GRK3: variants seen among roughly 807,000 people sequenced by gnomAD.
GRK3 encodes G protein-coupled receptor kinase 3.
Under a neutral mutation model 95.7 loss-of-function variants are expected in GRK3, and 54 were observed. The observed-to-expected ratio is 0.56, with a 90% CI of 0.45 to 0.71. GRK3 has a LOEUF of 0.71. Ranked by LOEUF, GRK3 falls within the 30% of genes least tolerant of loss-of-function variation. GRK3 has a pLI of 0.00. For missense variants in GRK3, 649 were observed against 851.2 expected, an observed-to-expected ratio of 0.76 and a Z score of 2.96; for synonymous variants, 281 against 290.8, an observed-to-expected ratio of 0.97 and a Z score of 0.34.
chr22:25,587,612 G>A (rs959561585), intron 1 of GRK3, among the ~76,000 whole-genome samples: 2 of 151,936 alleles, frequency 1.3e-5, no homozygotes, highest in Non-Finnish European at 2.9e-5. Context: ...TATAGTTTTG[G>A]TAGAGATGGG....
chr22:25,677,377 TAAAA>T (rs376997700), intron 8 of GRK3, among the ~76,000 whole-genome samples: 2 of 42,554 alleles, frequency 4.7e-5, no homozygotes, highest in African/African-American at 1.0e-4. Context: ...CCCCATATCT[TAAAA>T]AAAAAAAAAA....
At position 25,564,890 on chromosome 22, in the gene GRK3, C is replaced by A. The variant is rs1304187893; in HGVS notation, c.-151C>A. 7.3e-6 allele frequency: 1 copy of A among 136,140 alleles called. No homozygotes were observed. The highest frequency in any genetic ancestry group is 2.4e-4 in the East Asian group (1 of 4,092). 8.4% of individuals were successfully genotyped at this position (136,140 alleles called of 1,614,324 possible). A position where few individuals can be genotyped will look rare whatever the true frequency, so the allele number is the denominator to read the frequency against. ...CGGCGCGCGCAGAGCGCTAGTGGGG[C>A]GCGCGGCGCGCGCGCGGGGCGGGGG... On this transcript the variant is annotated 5_prime_UTR_variant, in exon 1 of 21. Transcript: ENST00000324198.
intron 1 of GRK3, among the ~76,000 whole-genome samples, chr22:25,601,105 T>C (rs1447925830): frequency 6.6e-6 from 1 of 152,176 alleles, no homozygotes; most frequent in Non-Finnish European, 1.5e-5. Flanking sequence ...ATAGAAAAAG[T>C]AGACAGAAAA....
intron 2 of GRK3, among the ~76,000 whole-genome samples, chr22:25,609,129 C>T (rs914343830): frequency 6.6e-6 from 1 of 152,136 alleles, no homozygotes; most frequent in Non-Finnish European, 1.5e-5. Context: ...ACAGGAAAAT[C>T]ATTGTATCAG....
chr22:25,597,953 T>C lies in GRK3; in HGVS notation c.114-6424T>C, dbSNP rs1202119162. 5.9e-5 allele frequency among the ~76,000 whole-genome samples: 9 copies of C among 152,292 alleles called. No individual in the cohort carries two copies. The East Asian group carries it at 1.7e-3, about 29-fold the overall frequency. On this transcript the variant is annotated intron_variant, in intron 1 of 20. Transcript: ENST00000324198. Reference sequence around the variant, plus strand: ...TGGGAAAATTCATTGCTAGTTAACCTGCACTACAAGAGATGGAGGAAGTGT... The same window carrying C: ...TGGGAAAATTCATTGCTAGTTAACCCGCACTACAAGAGATGGAGGAAGTGT...
intron 2 of GRK3, among the ~76,000 whole-genome samples, chr22:25,618,675 T>C (rs536548317): frequency 1.3e-5 from 2 of 152,350 alleles, no homozygotes; most frequent in South Asian, 4.1e-4. Context: ...GAATATACTT[T>C]GGTATGTTAG....
At chr22:25,717,161 G>T (rs1449943714) in intron 18 of GRK3, among the ~76,000 whole-genome samples, 1 of 152,174 alleles carries the variant, frequency 6.6e-6, no homozygotes, top group Admixed American at 6.5e-5. Context: ...TTTAAAGTTT[G>T]TAGGAGGATA....
chr22:25,592,051 A>G (rs1367724578), intron 1 of GRK3, among the ~76,000 whole-genome samples: 1 of 152,218 alleles, frequency 6.6e-6, no homozygotes, highest in Admixed American at 6.5e-5. Context: ...TTACTCTCTA[A>G]GAAGCTGCCA....
At chr22:25,643,652 A>G (rs2084759411) in intron 2 of GRK3, among the ~76,000 whole-genome samples, 1 of 152,210 alleles carries the variant, frequency 6.6e-6, no homozygotes, top group Non-Finnish European at 1.5e-5. Flanking sequence ...TCAGTCTGGT[A>G]TCAGCTTGTT....
At chr22:25,590,563 T>C (rs980358116) in intron 1 of GRK3, among the ~76,000 whole-genome samples, 5 of 152,322 alleles carry the variant, frequency 3.3e-5, no homozygotes, top group African/African-American at 1.2e-4. Context: ...GGCTCATGCC[T>C]GTAATCCTAG....
intron 8 of GRK3, among the ~76,000 whole-genome samples, chr22:25,676,842 G>A (rs1447687664): frequency 6.6e-6 from 1 of 152,118 alleles, no homozygotes; most frequent in Non-Finnish European, 1.5e-5. Flanking sequence ...CTAGAAAGGG[G>A]TCAAGTCTTA....
intron 1 of GRK3, among the ~76,000 whole-genome samples, chr22:25,593,233 T>C (rs1213130735): frequency 1.3e-5 from 2 of 152,132 alleles, no homozygotes; most frequent in South Asian, 2.1e-4. Context: ...GGTACTTCTT[T>C]GTTAAGTTTT....
In GRK3 at chr22:25,687,684, G is replaced by C; in HGVS notation, c.957+17G>C. On this transcript the variant is annotated intron_variant, in intron 11 of 20. Transcript: ENST00000324198. ...GATTTGAAGGTGAGGACGATTGACA[G>C]ACTCATTCTGCATAGTAGGTATTGT... 1 of 1,613,886 alleles carries C rather than the reference G, an allele frequency of 6.2e-7. No homozygotes were observed. The highest frequency in any genetic ancestry group is 8.5e-7 in the Non-Finnish European group (1 of 1,179,852).
In GRK3 at chr22:25,726,946, TG is replaced by T; in HGVS notation, c.*4497del. 1 of 155,860 alleles carries T rather than the reference TG, an allele frequency of 6.4e-6. No homozygotes were observed. Among genetic ancestry groups the T allele is most frequent in the Non-Finnish European group, 1.4e-5 (1 of 71,522 alleles). 9.7% of individuals were successfully genotyped at this position (155,860 alleles called of 1,614,324 possible). A position where few individuals can be genotyped will look rare whatever the true frequency, so the allele number is the denominator to read the frequency against. On this transcript the variant is annotated 3_prime_UTR_variant, in exon 21 of 21. Coordinates refer to ENST00000324198, the MANE Select transcript of GRK3 (RefSeq NM_005160.4). ...GTGTGTGTGTGTGTGTGTGTGTGTG[TG>T]TGTGTGTGTGCACTTTGCAGCCCCC...
At chr22:25,648,304 A>G in intron 3 of GRK3, 2 of 996,834 alleles carry the variant, frequency 2.0e-6, no homozygotes, top group South Asian at 2.5e-5. Flanking sequence ...GATACTCTGC[A>G]GAAATTGGCA....
At chr22:25,630,272 C>T (rs2084655488) in intron 2 of GRK3, among the ~76,000 whole-genome samples, 1 of 152,206 alleles carries the variant, frequency 6.6e-6, no homozygotes, top group African/African-American at 2.4e-5. Context: ...GTGTTGTACA[C>T]TCAGACCCTG....
At chr22:25,593,536 A>AT (rs1372298813) in intron 1 of GRK3, among the ~76,000 whole-genome samples, 1 of 151,918 alleles carries the variant, frequency 6.6e-6, no homozygotes, top group African/African-American at 2.4e-5. Context: ...TCTTTTGCCC[A>AT]TTTTTTAATG....
At chr22:25,712,368 T>C (rs2085350821) in intron 17 of GRK3, among the ~76,000 whole-genome samples, 1 of 152,244 alleles carries the variant, frequency 6.6e-6, no homozygotes, top group Admixed American at 6.5e-5. Flanking sequence ...GAACCATTGA[T>C]ACCTGTCAGG....
intron 2 of GRK3, among the ~76,000 whole-genome samples, chr22:25,610,068 G>C (rs1411608463): frequency 1.3e-5 from 2 of 151,794 alleles, no homozygotes; most frequent in African/African-American, 4.8e-5. Flanking sequence ...GGCCAGGCTA[G>C]TCTCAAACTC....
Sources: gnomAD v4.1 joint callset for allele counts (sites outside exome capture counted in the v4.1 genomes callset) on GRCh38, gnomAD v4.1.1 for gene constraint, MANE v1.5 for transcripts, NCBI Gene and HGNC (gene_info 2026-07-23, HGNC 2026-07-21) for gene names.